The following FAT3 variants were observed in gnomAD, a reference collection of about 807,000 sequenced individuals.
FAT3 encodes the protein protocadherin Fat 3.
In FAT3, 95 loss-of-function variants were observed where a neutral mutation model predicts 310.2. That is an observed-to-expected ratio of 0.31 (90% confidence interval 0.26 to 0.36). The LOEUF is 0.36. Among genes scored for constraint, FAT3 ranks in the 10% least tolerant of loss-of-function variants. The pLI is 1.00. For missense variants in FAT3, 5,408 were observed against 5,715.6 expected, an observed-to-expected ratio of 0.95 and a Z score of 1.74; for synonymous variants, 2,314 against 2,192.9, an observed-to-expected ratio of 1.06 and a Z score of -1.54.
chr11:92,310,496 C>A (rs1411760810), intron 1 of FAT3, among the ~76,000 whole-genome samples: 2 of 152,052 alleles, frequency 1.3e-5, no homozygotes, highest in Admixed American at 6.6e-5. Context: ...GCAAAAGAAT[C>A]TTAGTAGTAA....
At chr11:92,885,802 CT>C (rs1287711241) in intron 24 of FAT3, among the ~76,000 whole-genome samples, 1 of 152,120 alleles carries the variant, frequency 6.6e-6, no homozygotes, top group Non-Finnish European at 1.5e-5. Flanking sequence ...TTGTGCACAC[CT>C]TGTGGTTTTC....
chr11:92,876,889 A>G (rs764131697), intron 22 of FAT3, among the ~76,000 whole-genome samples: 2 of 152,226 alleles, frequency 1.3e-5, no homozygotes, highest in East Asian at 1.9e-4. Context: ...GTCACTGACA[A>G]ATTTGAAGAG....
chr11:92,438,069 C>T (rs1950983180), intron 2 of FAT3, among the ~76,000 whole-genome samples: 1 of 152,004 alleles, frequency 6.6e-6, no homozygotes, highest in Non-Finnish European at 1.5e-5. Flanking sequence ...GCTGTACTGG[C>T]AATTGTGATT....
chr11:92,439,940 GAAA>G (rs879502193), intron 2 of FAT3, among the ~76,000 whole-genome samples: 1 of 138,958 alleles, frequency 7.2e-6, no homozygotes, highest in African/African-American at 2.6e-5. Flanking sequence ...AGAAAAGAAA[GAAA>G]AAAAAAAAAC....
At chr11:92,440,257 A>C (rs1386378910) in intron 2 of FAT3, among the ~76,000 whole-genome samples, 1 of 152,148 alleles carries the variant, frequency 6.6e-6, no homozygotes, top group Non-Finnish European at 1.5e-5. Context: ...GTAGGGGAGT[A>C]AAGGAGCAAG....
At chr11:92,772,033 A>G (rs1946471883) in intron 6 of FAT3, among the ~76,000 whole-genome samples, 1 of 152,168 alleles carries the variant, frequency 6.6e-6, no homozygotes, top group Non-Finnish European at 1.5e-5. Flanking sequence ...AAACTGGAGC[A>G]AACTAAAGTT....
At chr11:92,429,759 G>A (rs1950723710) in intron 2 of FAT3, among the ~76,000 whole-genome samples, 1 of 152,124 alleles carries the variant, frequency 6.6e-6, no homozygotes, top group Non-Finnish European at 1.5e-5. Context: ...TTAGTATGAT[G>A]GGCTTCCCTT....
At chr11:92,729,891 T>C (rs1186668096) in intron 4 of FAT3, among the ~76,000 whole-genome samples, 1 of 152,198 alleles carries the variant, frequency 6.6e-6, no homozygotes, top group African/African-American at 2.4e-5. Flanking sequence ...ACAAGACTAC[T>C]CTAAAATTTA....
At chr11:92,493,496 CTTTGA>C (rs1952666014) in intron 2 of FAT3, among the ~76,000 whole-genome samples, 1 of 152,062 alleles carries the variant, frequency 6.6e-6, no homozygotes, top group South Asian at 2.1e-4. Flanking sequence ...GCTTGCTGTG[CTTTGA>C]ATACACTAAC....
At chr11:92,429,610 A>G (rs530254890) in intron 2 of FAT3, among the ~76,000 whole-genome samples, 1 of 152,230 alleles carries the variant, frequency 6.6e-6, no homozygotes, top group African/African-American at 2.4e-5. Flanking sequence ...GCTTGTCTGT[A>G]AAGGATTTTA....
At chr11:92,235,028 G>A (rs1156815782) in intron 1 of FAT3, among the ~76,000 whole-genome samples, 5 of 150,836 alleles carry the variant, frequency 3.3e-5, no homozygotes, top group East Asian at 1.9e-4. Flanking sequence ...CTAAGATTGC[G>A]CCACTGCACT....
At chr11:92,772,730 T>A (rs1946490519) in intron 6 of FAT3, among the ~76,000 whole-genome samples, 2 of 152,178 alleles carry the variant, frequency 1.3e-5, no homozygotes, top group African/African-American at 2.4e-5. Context: ...TTAAATAATC[T>A]TAAGTGTATA....
intron 1 of FAT3, among the ~76,000 whole-genome samples, chr11:92,275,239 C>T (rs889195259): frequency 6.6e-6 from 1 of 152,050 alleles, no homozygotes; most frequent in African/African-American, 2.4e-5. Context: ...GCAGCCCTCT[C>T]CAAGACGTTT....
At chr11:92,694,821 G>A (rs550574362) in intron 3 of FAT3, among the ~76,000 whole-genome samples, 1 of 152,214 alleles carries the variant, frequency 6.6e-6, no homozygotes, top group Admixed American at 6.5e-5. Context: ...TCTAATAGAG[G>A]AGCCCACACA....
rs371883255 is a variant in FAT3, at chr11:92,890,749, C to T, written c.13406C>T (p.Ser4469Phe). 4.2e-5 allele frequency: 67 copies of T among 1,613,704 alleles called. No individual in the cohort carries two copies. Among genetic ancestry groups the T allele is most frequent in the Middle Eastern group, 3.3e-4 (2 of 6,082 alleles). ...FPDQYEALPP[S>F]QPVSLASTLS... ...GACCAATATGAGGCCCTGCCACCCT[C>T]CCAGCCTGTCTCCCTGGCCAGCACA... The change falls in exon 28 of 28, where the codon TCC becomes TTC. Residue 4469 changes from serine (S) to phenylalanine (F), a missense_variant. Physicochemically the swap from Ser to Phe is radical, Grantham distance 155. Transcript: ENST00000525166.
chr11:92,730,844 A>G (rs1335264360), intron 4 of FAT3, among the ~76,000 whole-genome samples: 1 of 152,148 alleles, frequency 6.6e-6, no homozygotes, highest in Non-Finnish European at 1.5e-5. Context: ...ATTTTTAATC[A>G]TGTAGTTTTT....
intron 7 of FAT3, among the ~76,000 whole-genome samples, chr11:92,784,506 A>C (rs557358197): frequency 6.6e-6 from 1 of 152,322 alleles, no homozygotes; most frequent in East Asian, 1.9e-4. Flanking sequence ...GCATCTACCC[A>C]GACTTAGCTT....
Position 92,849,751 on chromosome 11 carries a change from C to T in FAT3, c.11365+5019C>T, listed in dbSNP as rs144007056. ...AGGTAGAGGATGCATTTTAAGCATC[C>T]TTTTGTTTACTTATTCTCTCAGCAG... is the stretch of plus-strand genomic sequence containing the variant. On this transcript the variant is annotated intron_variant, in intron 19 of 27. Coordinates refer to ENST00000525166, the MANE Select transcript of FAT3 (RefSeq NM_001367949.2). Among the ~76,000 whole-genome samples the T allele has an allele frequency of 9.9e-5, 15 of 152,256 alleles. 1 individual carries two copies. Among genetic ancestry groups the T allele is most frequent in the Non-Finnish European group, 1.5e-4 (10 of 68,024 alleles).
intron 2 of FAT3, among the ~76,000 whole-genome samples, chr11:92,359,542 A>T (rs547721538): frequency 8.1e-4 from 123 of 151,228 alleles, no homozygotes; most frequent in African/African-American, 2.9e-3. Flanking sequence ...GGTTAGTTAC[A>T]TATGTATACA....
Sources: allele counts gnomAD v4.1 joint callset (sites outside exome capture counted in the v4.1 genomes callset), GRCh38; gene constraint gnomAD v4.1.1; transcripts MANE v1.5; gene names NCBI Gene and HGNC (gene_info 2026-07-23, HGNC 2026-07-21).